Variants in ATP2C1 observed in about 807,000 individuals in gnomAD.
The protein encoded by ATP2C1 is calcium-transporting ATPase type 2C member 1.
Under a neutral mutation model 120.5 loss-of-function variants are expected in ATP2C1, and 31 were observed. The ratio of observed to expected loss-of-function variants is 0.26; its 90% CI spans 0.19 to 0.35. The LOEUF (loss-of-function observed/expected upper bound fraction) is 0.35, where lower values mean the gene tolerates loss of function less well. Ranked by LOEUF, ATP2C1 falls within the 10% of genes least tolerant of loss-of-function variation. The pLI, the probability that ATP2C1 is intolerant of heterozygous loss-of-function variation, is 1.00. For missense variants in ATP2C1, 731 were observed against 1,107.5 expected, an observed-to-expected ratio of 0.66 and a Z score of 4.83; for synonymous variants, 351 against 358.7, an observed-to-expected ratio of 0.98 and a Z score of 0.24.
At chr3:130,919,325 A>G (rs1388868834) in intron 2 of ATP2C1, among the ~76,000 whole-genome samples, 3 of 151,650 alleles carry the variant, frequency 2.0e-5, no homozygotes, top group Non-Finnish European at 4.4e-5. Context: ...CCCAGGTTCA[A>G]GCGATTCTCC....
chr3:130,995,939 C>T lies in ATP2C1; in HGVS notation c.2058-104C>T, dbSNP rs922664219. The T allele has an allele frequency of 5.9e-5, 49 of 834,476 alleles. No homozygotes were observed. In the African/African-American group the frequency reaches 7.5e-4, roughly 13 times the overall value. 51.7% of individuals were successfully genotyped at this position (834,476 alleles called of 1,614,324 possible). ...GGATTACAGGCATGAGCCACAGTGC[C>T]CGGTTGGAAATTTATTTTCAAAATT... On this transcript the variant is annotated intron_variant, in intron 22 of 27. Transcript: ENST00000510168.
chr3:130,980,368 G>T (rs530309991), intron 19 of ATP2C1, among the ~76,000 whole-genome samples: 1 of 151,734 alleles, frequency 6.6e-6, no homozygotes, highest in Admixed American at 6.6e-5. Context: ...CTGAGCCACC[G>T]TGGCCAGCCT....
intron 1 of ATP2C1, among the ~76,000 whole-genome samples, chr3:130,875,962 A>AT (rs2068589234): frequency 6.7e-6 from 1 of 150,160 alleles, no homozygotes; most frequent in Non-Finnish European, 1.5e-5. Flanking sequence ...AAATCAAAAT[A>AT]TTTGAGTTTT....
At chr3:131,006,964 AGCC>A (rs1201693789), downstream of ATP2C1, among the ~76,000 whole-genome samples, 1 of 152,186 alleles carries the variant, frequency 6.6e-6, no homozygotes, top group Admixed American at 6.5e-5. Context: ...CATCACGCCC[AGCC>A]TCATTTCTTG....
intron 2 of ATP2C1, among the ~76,000 whole-genome samples, chr3:130,926,796 C>T (rs138027686): frequency 6.6e-5 from 10 of 152,352 alleles, no homozygotes; most frequent in East Asian, 1.9e-4. Context: ...TGTGTTCTTT[C>T]GCTGTTTTCC....
chr3:130,901,919 A>G (rs1418935490), intron 2 of ATP2C1, among the ~76,000 whole-genome samples: 2 of 152,014 alleles, frequency 1.3e-5, no homozygotes, highest in African/African-American at 2.4e-5. Context: ...AACTCAAAGT[A>G]TGCTACTGGC....
chr3:130,960,899 AACTT>A (rs1225541840), intron 12 of ATP2C1, among the ~76,000 whole-genome samples: 22 of 152,274 alleles, frequency 1.4e-4, no homozygotes, highest in African/African-American at 4.1e-4. Context: ...AAAGGGCAAG[AACTT>A]ACTTAGGCAT....
chr3:130,969,257 T>C (rs1466625706), intron 16 of ATP2C1, 35 bp from the exon 17 acceptor site: 3 of 1,432,880 alleles, frequency 2.1e-6, no homozygotes, highest in African/African-American at 1.4e-5. Flanking sequence ...TAATCACATA[T>C]AGGTGAGAAT....
At chr3:130,963,925 G>C in intron 12 of ATP2C1, 46 bp from the exon 13 acceptor site, 2 of 1,610,544 alleles carry the variant, frequency 1.2e-6, no homozygotes, top group Non-Finnish European at 1.7e-6. Context: ...TTTGCTGTGA[G>C]TGCTGTTTAA....
chr3:130,853,307 G>T (rs552237134), intron 1 of ATP2C1, among the ~76,000 whole-genome samples: 1 of 152,244 alleles, frequency 6.6e-6, no homozygotes, highest in African/African-American at 2.4e-5. Context: ...GAGCATCCTA[G>T]GAGCCAACTG....
intron 26 of ATP2C1, among the ~76,000 whole-genome samples, chr3:131,010,858 ACACT>A (rs1384456904): frequency 6.6e-6 from 1 of 152,178 alleles, no homozygotes; most frequent in Non-Finnish European, 1.5e-5. Context: ...GTACTGCTTA[ACACT>A]CACTCACTTC....
At chr3:130,982,272 T>C (rs1384882084) in intron 20 of ATP2C1, among the ~76,000 whole-genome samples, 1 of 152,248 alleles carries the variant, frequency 6.6e-6, no homozygotes, top group Non-Finnish European at 1.5e-5. Context: ...TTGAAAAGAC[T>C]GTCCTTTTTC....
chr3:130,874,465 A>G (rs1041401479), intron 1 of ATP2C1, among the ~76,000 whole-genome samples: 1 of 152,196 alleles, frequency 6.6e-6, no homozygotes, highest in Non-Finnish European at 1.5e-5. Flanking sequence ...AATAATTCAT[A>G]TTGTATTATA....
intron 14 of ATP2C1, 123 bp from the exon 15 acceptor site, chr3:130,967,022 C>G: frequency 2.5e-6 from 2 of 800,402 alleles, no homozygotes; most frequent in South Asian, 1.4e-5. Flanking sequence ...TAGGTGAACA[C>G]TTTTAACAGT....
intron 1 of ATP2C1, among the ~76,000 whole-genome samples, chr3:130,859,392 C>G (rs891715194): frequency 2.0e-5 from 3 of 152,194 alleles, no homozygotes; most frequent in African/African-American, 7.2e-5. Context: ...TAAGCCTAAT[C>G]GACCACTTAA....
At chr3:130,980,994 A>G (rs1353299287) in intron 20 of ATP2C1, among the ~76,000 whole-genome samples, 4 of 152,314 alleles carry the variant, frequency 2.6e-5, no homozygotes, top group South Asian at 4.1e-4. Context: ...TCATTGATTT[A>G]TACTTCTTAC....
chr3:130,893,555 G>A (rs567566779), upstream of ATP2C1, among the ~76,000 whole-genome samples: 1 of 152,350 alleles, frequency 6.6e-6, no homozygotes, highest in South Asian at 2.1e-4. Context: ...GCAGGAGCAT[G>A]GACACCTCGC....
intron 22 of ATP2C1, among the ~76,000 whole-genome samples, chr3:130,994,665 A>T (rs1362304497): frequency 1.3e-5 from 2 of 151,936 alleles, no homozygotes; most frequent in Non-Finnish European, 2.9e-5. Flanking sequence ...TTATTTATTT[A>T]TTTTTTTGGT....
intron 20 of ATP2C1, among the ~76,000 whole-genome samples, chr3:130,988,362 A>C (rs1450361561): frequency 6.6e-6 from 1 of 152,194 alleles, no homozygotes; most frequent in East Asian, 1.9e-4. Flanking sequence ...AGGAGGACTC[A>C]TAAGAAGAGA....
Sources: gnomAD v4.1 joint callset for allele counts (sites outside exome capture counted in the v4.1 genomes callset) on GRCh38, gnomAD v4.1.1 for gene constraint, MANE v1.5 for transcripts, NCBI Gene and HGNC (gene_info 2026-07-23, HGNC 2026-07-21) for gene names.